STXBP5L: variants seen among roughly 807,000 people sequenced by gnomAD.
STXBP5L encodes the protein syntaxin-binding protein 5-like.
In STXBP5L, 65 loss-of-function variants were observed where a neutral mutation model predicts 144.5. The observed-to-expected ratio is 0.45, with a 90% confidence interval of 0.37 to 0.55. The LOEUF is 0.55. STXBP5L is among the 20% of genes least tolerant of loss of function. The pLI, the probability that STXBP5L is intolerant of heterozygous loss-of-function variation, is 0.00. For missense variants in STXBP5L, 1,298 were observed against 1,405.5 expected, an observed-to-expected ratio of 0.92 and a Z score of 1.22; for synonymous variants, 505 against 469.6, an observed-to-expected ratio of 1.08 and a Z score of -0.97.
intron 3 of STXBP5L, among the ~76,000 whole-genome samples, chr3:121,017,330 A>G (rs1468652692): frequency 6.6e-6 from 1 of 152,206 alleles, no homozygotes; most frequent in African/African-American, 2.4e-5. Context: ...CTACAGCAAC[A>G]TTATACTTAA....
At chr3:121,362,136 A>G (rs1277865733) in intron 20 of STXBP5L, among the ~76,000 whole-genome samples, 1 of 152,224 alleles carries the variant, frequency 6.6e-6, no homozygotes. Context: ...TCTCCCAAAC[A>G]TACAGAGTCT....
Position 121,249,352 on chromosome 3 carries a change from A to G in STXBP5L, c.1401-1371A>G, listed in dbSNP as rs1440596149. Among the ~76,000 whole-genome samples the G allele has an allele frequency of 2.6e-5, 4 of 152,094 alleles. No homozygotes were observed. In the East Asian group the frequency reaches 5.8e-4, roughly 22 times the overall value. On this transcript the variant is annotated intron_variant, in intron 14 of 26. Coordinates refer to ENST00000471454, the MANE Select transcript of STXBP5L (RefSeq NM_001308330.2). Reference sequence around the variant, plus strand: ...TAAGTCATACAATTATCAATAATATATATCTCCTTTTATTAATGCCTTATT... The same window carrying G: ...TAAGTCATACAATTATCAATAATATGTATCTCCTTTTATTAATGCCTTATT...
chr3:121,143,915 G>A (rs528926377), intron 7 of STXBP5L, among the ~76,000 whole-genome samples: 7 of 151,734 alleles, frequency 4.6e-5, no homozygotes, highest in Non-Finnish European at 1.0e-4. Context: ...CATGACGCTG[G>A]TTTTGACAAT....
intron 9 of STXBP5L, chr3:121,158,312 GTAA>G (rs1181196347): frequency 1.3e-5 from 2 of 152,036 alleles, no homozygotes; most frequent in African/African-American, 4.8e-5. Flanking sequence ...TTGATTATTT[GTAA>G]TAATAGATAT....
At chr3:121,059,369 A>C (rs1301805518) in intron 5 of STXBP5L, among the ~76,000 whole-genome samples, 1 of 152,146 alleles carries the variant, frequency 6.6e-6, no homozygotes, top group East Asian at 1.9e-4. Flanking sequence ...TGTTTTCATT[A>C]CTGTAGCCTT....
chr3:121,337,157 T>A (rs1430493584), intron 20 of STXBP5L, among the ~76,000 whole-genome samples: 4 of 152,042 alleles, frequency 2.6e-5, no homozygotes, highest in Non-Finnish European at 5.9e-5. Flanking sequence ...CCAGGCTTAG[T>A]ACCTGGGTGA....
chr3:121,324,891 G>A (rs373798213), intron 20 of STXBP5L, among the ~76,000 whole-genome samples: 45 of 152,066 alleles, frequency 3.0e-4, no homozygotes, highest in South Asian at 8.3e-4. Flanking sequence ...TAAGGGGGTC[G>A]CGGGTACGGT....
chr3:121,239,526 G>T (rs1237520540), intron 13 of STXBP5L, among the ~76,000 whole-genome samples: 2 of 151,230 alleles, frequency 1.3e-5, no homozygotes, highest in African/African-American at 2.4e-5. Context: ...ATACTATGCA[G>T]CCAGAAAAAA....
intron 20 of STXBP5L, among the ~76,000 whole-genome samples, chr3:121,359,668 T>A (rs1280024165): frequency 6.6e-6 from 1 of 152,132 alleles, no homozygotes; most frequent in Admixed American, 6.6e-5. Flanking sequence ...TGCACAGGGA[T>A]ATCCAGTTTC....
rs138233217 is a variant in STXBP5L, at chr3:121,231,649, T to A, written c.1112-1967T>A. Among the ~76,000 whole-genome samples the A allele has an allele frequency of 3.3e-5, 5 of 152,266 alleles. No individual in the cohort carries two copies. In the South Asian group the frequency reaches 1.0e-3, roughly 32 times the overall value. ...CAAGGCCCTGCACTAGAAAGAGATATATATATTTTGGGTCTGCAATGTGGT... is the reference window on the plus strand; with the variant it reads ...CAAGGCCCTGCACTAGAAAGAGATAAATATATTTTGGGTCTGCAATGTGGT... On this transcript the variant is annotated intron_variant, in intron 11 of 26. Transcript: ENST00000471454.
At chr3:121,050,301 G>A (rs1207623659) in intron 5 of STXBP5L, among the ~76,000 whole-genome samples, 3 of 151,962 alleles carry the variant, frequency 2.0e-5, no homozygotes, top group Non-Finnish European at 2.9e-5. Flanking sequence ...AAACTAGATA[G>A]GACTTATTTC....
chr3:121,029,668 A>T (rs1044748479), intron 3 of STXBP5L, among the ~76,000 whole-genome samples: 1 of 152,190 alleles, frequency 6.6e-6, no homozygotes, highest in Non-Finnish European at 1.5e-5. Context: ...AACAAAAGGC[A>T]AAATTGACAA....
At chr3:121,354,508 C>T (rs1322428858) in intron 20 of STXBP5L, among the ~76,000 whole-genome samples, 98 of 67,486 alleles carry the variant, frequency 1.5e-3, no homozygotes, top group Admixed American at 2.5e-3. Flanking sequence ...TGCAACCCTG[C>T]TTTTTTTTTT....
chr3:120,984,441 A>C (rs1257813885), intron 3 of STXBP5L, among the ~76,000 whole-genome samples: 2 of 151,714 alleles, frequency 1.3e-5, no homozygotes, highest in Non-Finnish European at 2.9e-5. Context: ...TATCTTGCTG[A>C]TACCCTGAGA....
chr3:120,954,957 T>C lies in STXBP5L; in HGVS notation c.207T>C (p.Phe69=). 1 of 1,612,346 alleles carries C rather than the reference T, an allele frequency of 6.2e-7. No individual in the cohort carries two copies. Among genetic ancestry groups the C allele is most frequent in the Non-Finnish European group, 8.5e-7 (1 of 1,178,992 alleles). Reference sequence around the variant, plus strand: ...TCTTTCAGACAGTTCGGCATGGTTTTCCTCATCAGCCCACAGCATTAGCCT... The same window carrying C: ...TCTTTCAGACAGTTCGGCATGGTTTCCCTCATCAGCCCACAGCATTAGCCT... ...FQICKTVRHG[F]PHQPTALAFD... The change falls in exon 3 of 27, where the codon TTT becomes TTC. Residue 69 remains phenylalanine (F), a synonymous_variant. Transcript: ENST00000471454.
rs2050238544 is a variant in STXBP5L at position 121,257,265 on chromosome 3, G to A, written c.1764G>A (p.Arg588=). 2 of 1,613,808 alleles carry A rather than the reference G, an allele frequency of 1.2e-6. No individual in the cohort carries two copies. The highest frequency in any genetic ancestry group is 2.7e-5 in the African/African-American group (2 of 75,022). The change falls in exon 17 of 27, where the codon AGG becomes AGA. Residue 588 remains arginine, a synonymous_variant. Transcript: ENST00000471454. ...TCTCAGCCCAGCTTCCTTCTTCAAG[G>A]AGTCTTTCTGGGAGCACTAACACTG... ...PDLSAQLPSS[R]SLSGSTNTVA...
At chr3:121,321,239 AT>A (rs1178042517) in intron 20 of STXBP5L, among the ~76,000 whole-genome samples, 53 of 151,704 alleles carry the variant, frequency 3.5e-4, no homozygotes, top group African/African-American at 1.0e-3. Flanking sequence ...GGAATGAGAG[AT>A]TTTTTTTTCC....
intron 19 of STXBP5L, 27 bp from the exon 20 acceptor site, chr3:121,318,448 T>C (rs1227629312): frequency 2.6e-6 from 4 of 1,523,992 alleles, no homozygotes; most frequent in Non-Finnish European, 3.5e-6. Flanking sequence ...GCAAAATTTA[T>C]CTCATTTTTT....
chr3:121,205,652 G>T (rs2048306743), intron 9 of STXBP5L, among the ~76,000 whole-genome samples: 1 of 152,108 alleles, frequency 6.6e-6, no homozygotes, highest in African/African-American at 2.4e-5. Context: ...CATGAAATTA[G>T]ATTTATGTGT....
Sources: gnomAD v4.1 joint callset for allele counts (sites outside exome capture counted in the v4.1 genomes callset) on GRCh38, gnomAD v4.1.1 for gene constraint, MANE v1.5 for transcripts, NCBI Gene and HGNC (gene_info 2026-07-23, HGNC 2026-07-21) for gene names.